Variants in PRKN observed in about 807,000 individuals in gnomAD.
PRKN encodes E3 ubiquitin-protein ligase parkin.
In PRKN, 56 loss-of-function variants were observed where a neutral mutation model predicts 59.5. The observed-to-expected ratio is 0.94, with a 90% CI of 0.76 to 1.18. The LOEUF (loss-of-function observed/expected upper bound fraction) is 1.18, where lower values mean the gene tolerates loss of function less well. PRKN is among the 50% of genes most tolerant of loss of function. PRKN has a pLI of 0.00. For synonymous variants in PRKN, 250 were observed against 222.1 expected, an observed-to-expected ratio of 1.13 and a Z score of -1.12; for missense variants, 657 against 596.4, an observed-to-expected ratio of 1.10 and a Z score of -1.06.
chr6:161,915,922 A>C (rs1157396807), intron 6 of PRKN, among the ~76,000 whole-genome samples: 3 of 152,242 alleles, frequency 2.0e-5, no homozygotes, highest in Non-Finnish European at 4.4e-5. Flanking sequence ...TCCACAGTGC[A>C]AATTGGAAGG....
chr6:162,318,289 C>G (rs545257282), intron 2 of PRKN, among the ~76,000 whole-genome samples: 11 of 151,992 alleles, frequency 7.2e-5, no homozygotes, highest in Admixed American at 2.6e-4. Flanking sequence ...TGAAAAATGC[C>G]TACAGCAGCA....
At position 162,727,726 on chromosome 6, in the gene PRKN, C is replaced by A. The variant is rs754739638; in HGVS notation, c.-58G>T. The A allele has an allele frequency of 6.5e-7, 1 of 1,535,748 alleles. No individual in the cohort carries two copies. The highest frequency in any genetic ancestry group is 2.0e-5 in the Admixed American group (1 of 51,074). On this transcript the variant is annotated 5_prime_UTR_variant, in exon 1 of 12. Transcript: ENST00000366898. ...AACAGGCCCATGCGCGCAGCGGCGC[C>A]AGCCGCGCCTCCCACCAGCGGCTCT...
rs138133506 is a variant in PRKN at position 162,479,366 on chromosome 6, C to T, written c.8-35893G>A. On this transcript the variant is annotated intron_variant, in intron 1 of 11. Coordinates refer to ENST00000366898, the MANE Select transcript of PRKN (RefSeq NM_004562.3). ...TCAGTCTCCTGAGTAGCTGGGATTA[C>T]AGGCGCATGCCAACATCCCCAGCTA... Among the ~76,000 whole-genome samples the T allele has an allele frequency of 5.0e-3, 760 of 152,166 alleles. 7 individuals carry two copies. Among genetic ancestry groups the T allele is most frequent in the African/African-American group, 0.018 (736 of 41,510 alleles).
intron 7 of PRKN, among the ~76,000 whole-genome samples, chr6:161,664,371 C>G (rs1188324924): frequency 6.6e-6 from 1 of 152,186 alleles, no homozygotes; most frequent in Non-Finnish European, 1.5e-5. Flanking sequence ...TCAATTTGTT[C>G]TCACTGTCAA....
intron 6 of PRKN, among the ~76,000 whole-genome samples, chr6:161,895,024 C>T (rs1206980857): frequency 6.6e-6 from 1 of 152,054 alleles, no homozygotes; most frequent in Non-Finnish European, 1.5e-5. Flanking sequence ...TTTTATAGAC[C>T]GCTTATTTGT....
chr6:162,366,670 C>T (rs957911813), intron 2 of PRKN, among the ~76,000 whole-genome samples: 1 of 152,056 alleles, frequency 6.6e-6, no homozygotes, highest in African/African-American at 2.4e-5. Flanking sequence ...CTTTGGGAGG[C>T]CGAGGTGGGT....
At position 161,414,049 on chromosome 6, in the gene PRKN, T is replaced by C. The variant is rs909913016; in HGVS notation, c.1084-27172A>G. ...CGTGAAACTCCTCGACAGCACTGTG[T>C]CCTGGGCCGAGGTGGGGAGGGTCAG... is the stretch of plus-strand genomic sequence containing the variant. On this transcript the variant is annotated intron_variant, in intron 9 of 11. Transcript: ENST00000366898. This position sits in a 1 kb window ranked among gnomAD's most constrained non-coding sequence, Gnocchi z 5.3. 7.9e-5 allele frequency among the ~76,000 whole-genome samples: 12 copies of C among 152,248 alleles called. No individual in the cohort carries two copies. The highest frequency in any genetic ancestry group is 2.6e-4 in the Admixed American group (4 of 15,288).
At chr6:162,556,384 T>C (rs984516035) in intron 1 of PRKN, among the ~76,000 whole-genome samples, 1 of 115,868 alleles carries the variant, frequency 8.6e-6, no homozygotes, top group African/African-American at 2.7e-5. Flanking sequence ...TGTGTGTGTG[T>C]GTGTGTGTGT....
intron 5 of PRKN, among the ~76,000 whole-genome samples, chr6:161,982,885 A>C (rs1284697174): frequency 4.4e-5 from 2 of 45,074 alleles, no homozygotes; most frequent in African/African-American, 2.0e-4. Flanking sequence ...CAATGGCAAC[A>C]AAAGACAAAA....
At chr6:162,639,267 G>A (rs1777869781) in intron 1 of PRKN, among the ~76,000 whole-genome samples, 1 of 152,100 alleles carries the variant, frequency 6.6e-6, no homozygotes, top group Admixed American at 6.5e-5. Context: ...GTTAAAGTAC[G>A]AGTTTCAACA....
intron 9 of PRKN, among the ~76,000 whole-genome samples, chr6:161,426,570 C>A (rs372235525): frequency 2.6e-5 from 4 of 151,604 alleles, no homozygotes; most frequent in East Asian, 1.9e-4. Flanking sequence ...GCTCTCCTAG[C>A]TCCTCAGCTT....
intron 9 of PRKN, among the ~76,000 whole-genome samples, chr6:161,517,249 A>G (rs1259184123): frequency 5.9e-5 from 9 of 152,134 alleles, no homozygotes; most frequent in African/African-American, 9.7e-5. Context: ...TGACTGACCT[A>G]TCTTTTTAGG....
At chr6:161,602,646 T>C (rs1200283410) in intron 7 of PRKN, among the ~76,000 whole-genome samples, 1 of 152,238 alleles carries the variant, frequency 6.6e-6, no homozygotes, top group Non-Finnish European at 1.5e-5. Flanking sequence ...ATCTCCAGCA[T>C]CAAGTGATTG....
chr6:162,258,623 G>A (rs1322270755), intron 3 of PRKN, among the ~76,000 whole-genome samples: 2 of 152,138 alleles, frequency 1.3e-5, no homozygotes, highest in Non-Finnish European at 2.9e-5. Context: ...CCCTGGGCCC[G>A]CGGTGTTAGC....
chr6:162,251,391 A>C (rs996119990), intron 3 of PRKN, among the ~76,000 whole-genome samples: 2 of 152,126 alleles, frequency 1.3e-5, no homozygotes, highest in Non-Finnish European at 2.9e-5. Flanking sequence ...GAATATGATG[A>C]TCAAAGGGGA....
chr6:162,137,503 C>A (rs1781600077), intron 4 of PRKN, among the ~76,000 whole-genome samples: 1 of 152,198 alleles, frequency 6.6e-6, no homozygotes, highest in East Asian at 1.9e-4. Context: ...CAACTGTTTT[C>A]TGACTGTCTC....
In PRKN at chr6:161,349,045, C is replaced by T; in HGVS notation, c.*1054G>A. On this transcript the variant is annotated 3_prime_UTR_variant, in exon 12 of 12. Coordinates refer to ENST00000366898, the MANE Select transcript of PRKN (RefSeq NM_004562.3). The surrounding 1 kb of genome is among the most constrained non-coding windows in gnomAD (Gnocchi z 5.5). ...TGCAGATTGGACAGAGAGGGTGTGC[C>T]AAAGGGGTATAAACCCTTCTGATGG... is the stretch of plus-strand genomic sequence containing the variant. 4.6e-6 allele frequency: 1 copy of T among 215,352 alleles called. No individual in the cohort carries two copies. Among genetic ancestry groups the T allele is most frequent in the Non-Finnish European group, 9.4e-6 (1 of 106,838 alleles). The allele number at this position is 215,352 out of a possible 1,614,324, so 13.3% of individuals were successfully genotyped here. A position where few individuals can be genotyped will look rare whatever the true frequency, so the allele number is the denominator to read the frequency against.
intron 1 of PRKN, among the ~76,000 whole-genome samples, chr6:162,723,082 T>G (rs903732763): frequency 6.6e-6 from 1 of 152,178 alleles, no homozygotes; most frequent in African/African-American, 2.4e-5. Context: ...TAAAATTCAC[T>G]GCACACAAGC....
intron 6 of PRKN, among the ~76,000 whole-genome samples, chr6:161,804,491 A>C (rs1270210910): frequency 2.6e-5 from 4 of 152,110 alleles, no homozygotes; most frequent in African/African-American, 9.7e-5. Flanking sequence ...TCTGCCTCTG[A>C]ACTCCCTCTC....
Sources: allele counts gnomAD v4.1 joint callset (sites outside exome capture counted in the v4.1 genomes callset), GRCh38; gene constraint gnomAD v4.1.1; non-coding constraint Gnocchi (gnomAD v3.1); transcripts MANE v1.5; gene names NCBI Gene and HGNC (gene_info 2026-07-23, HGNC 2026-07-21).